ACACA: variants seen among roughly 807,000 people sequenced by gnomAD.
ACACA encodes acetyl-CoA carboxylase alpha.
ACACA carries 103 observed loss-of-function variants against 296.1 expected under a neutral mutation model. That is an observed-to-expected ratio of 0.35 (90% CI 0.30 to 0.41). ACACA has a LOEUF of 0.41. Ranked by LOEUF, ACACA falls within the 10% of genes least tolerant of loss-of-function variation. The pLI is 1.00. For synonymous variants in ACACA, 953 were observed against 1,038.6 expected (o/e 0.92, Z 1.58); for missense variants, 1,554 against 2,989.7 (o/e 0.52, Z 11.20).
At chr17:37,087,983 G>T (rs563154973) in intron 55 of ACACA, among the ~76,000 whole-genome samples, 2 of 152,286 alleles carry the variant, frequency 1.3e-5, no homozygotes, top group South Asian at 4.1e-4. Context: ...GTGCAAGGGG[G>T]GAAAATCAGT....
At chr17:37,360,011 C>A (rs1015445056) in intron 1 of ACACA, among the ~76,000 whole-genome samples, 2 of 152,076 alleles carry the variant, frequency 1.3e-5, no homozygotes, top group Non-Finnish European at 2.9e-5. Context: ...GAATGCTTCC[C>A]GTCCTCCACT....
chr17:37,331,843 A>G (rs1463101887), intron 2 of ACACA, among the ~76,000 whole-genome samples: 3 of 152,086 alleles, frequency 2.0e-5, no homozygotes, highest in Admixed American at 6.6e-5. Flanking sequence ...TGCCTGGCCT[A>G]TGAATTTTAC....
chr17:37,174,744 GA>G (rs2077045692), intron 41 of ACACA, among the ~76,000 whole-genome samples: 1 of 151,430 alleles, frequency 6.6e-6, no homozygotes, highest in Admixed American at 6.6e-5. Flanking sequence ...TGTGGGCCAG[GA>G]TGGTCTCGAT....
chr17:37,341,857 G>A lies in ACACA; in HGVS notation c.39-2007C>T, dbSNP rs543828176. On this transcript the variant is annotated intron_variant, in intron 1 of 55. Transcript: ENST00000616317. ...TGATGAAAGCTATGGACCTTTTCTT[G>A]ACAAAAATGTACCCTCATACAAAAT... 3.3e-5 allele frequency among the ~76,000 whole-genome samples: 5 copies of A among 152,066 alleles called. No homozygotes were observed. In the South Asian group the frequency reaches 1.0e-3, roughly 32 times the overall value.
intron 2 of ACACA, among the ~76,000 whole-genome samples, chr17:37,335,656 C>T (rs1339967372): frequency 2.6e-5 from 4 of 152,168 alleles, no homozygotes; most frequent in Non-Finnish European, 4.4e-5. Flanking sequence ...AGCAGGAGTG[C>T]TAGGCGGAGT....
Position 37,314,098 on chromosome 17 carries a change from T to C in ACACA, c.338+16075A>G, listed in dbSNP as rs117836847. On this transcript the variant is annotated intron_variant, in intron 3 of 55. Coordinates refer to ENST00000616317, the MANE Select transcript of ACACA (RefSeq NM_198834.3). The stretch of plus-strand genomic sequence containing the variant: ...CCTAAGACATATTTCCTTTCTACTA[T>C]ATATTCTTTTTTTTTTTTTTTTGAG... Among the ~76,000 whole-genome samples the C allele has an allele frequency of 9.0e-3, 1,305 of 144,868 alleles. 8 individuals carry two copies. Among genetic ancestry groups the C allele is most frequent in the Non-Finnish European group, 0.013 (863 of 67,584 alleles).
intron 1 of ACACA, chr17:37,392,782 C>G (rs1376382378): frequency 6.6e-6 from 1 of 152,058 alleles, no homozygotes; most frequent in African/African-American, 2.4e-5. Flanking sequence ...ATTTAATATT[C>G]AAGTCCAGCC....
At chr17:37,352,879 A>C (rs569794033) in intron 1 of ACACA, among the ~76,000 whole-genome samples, 1 of 152,334 alleles carries the variant, frequency 6.6e-6, no homozygotes, top group African/African-American at 2.4e-5. Flanking sequence ...AAAAATTCCT[A>C]ATTCCTTTGT....
At chr17:37,372,361 C>G (rs1390067952) in intron 1 of ACACA, among the ~76,000 whole-genome samples, 2 of 147,854 alleles carry the variant, frequency 1.4e-5, no homozygotes, top group Non-Finnish European at 1.5e-5. Context: ...TGCAGTGAGC[C>G]GAGATCGCGC....
At chr17:37,297,155 T>C (rs2146823067) in intron 3 of ACACA, among the ~76,000 whole-genome samples, 2 of 151,928 alleles carry the variant, frequency 1.3e-5, no homozygotes, top group Middle Eastern at 6.8e-3. Flanking sequence ...ATAAAACACA[T>C]TTAAGGCCGG....
chr17:37,185,861 G>A (rs746462594), intron 39 of ACACA, among the ~76,000 whole-genome samples: 1 of 152,116 alleles, frequency 6.6e-6, no homozygotes, highest in Non-Finnish European at 1.5e-5. Flanking sequence ...GAGTCACTGC[G>A]CCCAGCCTAA....
intron 1 of ACACA, among the ~76,000 whole-genome samples, chr17:37,390,981 C>T (rs1219490471): frequency 1.3e-5 from 2 of 152,080 alleles, no homozygotes; most frequent in East Asian, 3.9e-4. Context: ...TGGCTCATGC[C>T]TGTAATCCCA....
chr17:37,395,358 A>T (rs1036137095), intron 1 of ACACA, among the ~76,000 whole-genome samples: 3 of 151,104 alleles, frequency 2.0e-5, no homozygotes, highest in African/African-American at 7.3e-5. Flanking sequence ...TGAACTCAGG[A>T]GACTGAGGTT....
intron 3 of ACACA, among the ~76,000 whole-genome samples, chr17:37,313,762 A>G (rs552699201): frequency 6.6e-6 from 1 of 152,270 alleles, no homozygotes; most frequent in East Asian, 1.9e-4. Context: ...GGGAATGTAA[A>G]TCTCCATACA....
intron 35 of ACACA, among the ~76,000 whole-genome samples, chr17:37,198,267 A>C (rs2078093779): frequency 6.6e-6 from 1 of 152,254 alleles, no homozygotes; most frequent in Admixed American, 6.5e-5. Flanking sequence ...TGTATTTATT[A>C]TAGAAACCAG....
At chr17:37,279,870 TG>T (rs1389772240) in intron 5 of ACACA, among the ~76,000 whole-genome samples, 1 of 152,172 alleles carries the variant, frequency 6.6e-6, no homozygotes, top group Non-Finnish European at 1.5e-5. Flanking sequence ...TATATATTTT[TG>T]GTATATATAT....
chr17:37,160,476 G>T (rs1431255375), intron 42 of ACACA, among the ~76,000 whole-genome samples: 1 of 152,146 alleles, frequency 6.6e-6, no homozygotes. Context: ...AGCTAAGAGT[G>T]GGGAGAGGGA....
chr17:37,244,365 C>G (rs541342145), intron 21 of ACACA, among the ~76,000 whole-genome samples: 1 of 144,388 alleles, frequency 6.9e-6, no homozygotes, highest in Non-Finnish European at 1.5e-5. Context: ...GACTCCGTCT[C>G]GAGGAAAAAA....
chr17:37,142,252 G>T (rs1202666950), intron 45 of ACACA, among the ~76,000 whole-genome samples: 2 of 152,118 alleles, frequency 1.3e-5, no homozygotes, highest in African/African-American at 4.8e-5. Context: ...CTGCAGTGGA[G>T]CTCTGTGTGG....
Sources: allele counts gnomAD v4.1 joint callset (sites outside exome capture counted in the v4.1 genomes callset), GRCh38; gene constraint gnomAD v4.1.1; transcripts MANE v1.5; gene names NCBI Gene and HGNC (gene_info 2026-07-23, HGNC 2026-07-21).